Variants in ALK observed in about 807,000 individuals in gnomAD.
ALK encodes the protein ALK receptor tyrosine kinase.
Under a neutral mutation model 163.1 loss-of-function variants are expected in ALK, and 74 were observed. The observed-to-expected ratio is 0.45, with a 90% CI of 0.38 to 0.55. The LOEUF is 0.55. ALK is among the 20% of genes least tolerant of loss of function. The probability of loss-of-function intolerance (pLI) is 0.00; values close to 1 mark genes in which losing one functional copy is unlikely to be tolerated. For synonymous variants in ALK, 960 were observed against 843.2 expected, an observed-to-expected ratio of 1.14 and a Z score of -2.40; for missense variants, 2,063 against 2,105.3, an observed-to-expected ratio of 0.98 and a Z score of 0.39.
chr2:29,420,293 T>A (rs202025468), intron 4 of ALK, among the ~76,000 whole-genome samples: 1 of 151,480 alleles, frequency 6.6e-6, no homozygotes, highest in East Asian at 1.9e-4. Context: ...CTAAAGCTAG[T>A]CAGTAGACAG....
At chr2:29,710,880 GCTCT>G (rs2148302033) in intron 2 of ALK, among the ~76,000 whole-genome samples, 1 of 152,222 alleles carries the variant, frequency 6.6e-6, no homozygotes, top group African/African-American at 2.4e-5. Flanking sequence ...TGGGTTTACA[GCTCT>G]CTACTGGCCA....
At chr2:29,232,585 G>T in intron 14 of ALK, 137 bp from the exon 15 acceptor site, 2 of 1,186,186 alleles carry the variant, frequency 1.7e-6, no homozygotes, top group East Asian at 2.5e-5. Context: ...GTCTGAGGTG[G>T]TTTGCGGGCT....
rs563425140 is a variant in ALK, at chr2:29,402,103, C to T, written c.1155-18244G>A. On this transcript the variant is annotated intron_variant, in intron 4 of 28. Transcript: ENST00000389048. Reference sequence around the variant, plus strand: ...TGGAGGAAGGGAAGGCAGACTTTGGCAGCGGGTGTTGAGTGAAAGCCTGGC... The same window carrying T: ...TGGAGGAAGGGAAGGCAGACTTTGGTAGCGGGTGTTGAGTGAAAGCCTGGC... Among the ~76,000 whole-genome samples, 11 of 152,334 alleles carry T rather than the reference C, an allele frequency of 7.2e-5. No homozygotes were observed. In the East Asian group the frequency reaches 2.1e-3, roughly 29 times the overall value.
intron 1 of ALK, among the ~76,000 whole-genome samples, chr2:29,908,302 A>ACACAC (rs1667605731): frequency 2.0e-5 from 3 of 151,768 alleles, no homozygotes; most frequent in Admixed American, 1.3e-4. Flanking sequence ...ACACACACAC[A>ACACAC]CACACACATT....
chr2:29,213,396 C>A (rs1052990950), intron 24 of ALK, among the ~76,000 whole-genome samples: 6 of 152,194 alleles, frequency 3.9e-5, no homozygotes, highest in African/African-American at 1.4e-4. Context: ...ATGTATCCAA[C>A]AAACATTGTG....
intron 4 of ALK, among the ~76,000 whole-genome samples, chr2:29,516,312 G>A (rs554300078): frequency 6.6e-6 from 1 of 152,310 alleles, no homozygotes; most frequent in South Asian, 2.1e-4. Flanking sequence ...GGCACAGCAT[G>A]AAACATCTCT....
chr2:29,453,348 C>T (rs1670869923), intron 4 of ALK, among the ~76,000 whole-genome samples: 1 of 152,124 alleles, frequency 6.6e-6, no homozygotes, highest in South Asian at 2.1e-4. Flanking sequence ...CCTCCCACCT[C>T]ACCTTTTGAG....
At chr2:29,272,684 T>A (rs543819301) in intron 11 of ALK, among the ~76,000 whole-genome samples, 73 of 152,346 alleles carry the variant, frequency 4.8e-4, no homozygotes, top group African/African-American at 1.6e-3. Flanking sequence ...GCTTTGAACT[T>A]TGGAAAGAAA....
At chr2:29,198,160 A>C (rs981408527) in intron 26 of ALK, among the ~76,000 whole-genome samples, 1 of 152,230 alleles carries the variant, frequency 6.6e-6, no homozygotes, top group Non-Finnish European at 1.5e-5. Flanking sequence ...AGATTTCCTT[A>C]AGATAAAGTC....
At chr2:29,635,777 AT>A (rs1553340446) in intron 3 of ALK, among the ~76,000 whole-genome samples, 9,979 of 90,458 alleles carry the variant, frequency 0.11, 402 homozygotes, top group Non-Finnish European at 0.13. Context: ...TAATTTTTGT[AT>A]TTTTTTTTTT....
chr2:29,274,734 C>T (rs17007774), intron 11 of ALK, among the ~76,000 whole-genome samples: 2 of 152,178 alleles, frequency 1.3e-5, no homozygotes, highest in Non-Finnish European at 2.9e-5. Context: ...CAGGCCCAGC[C>T]CTCTTTATAA....
chr2:29,626,868 C>T (rs1676207960), intron 3 of ALK, among the ~76,000 whole-genome samples: 1 of 152,210 alleles, frequency 6.6e-6, no homozygotes, highest in South Asian at 2.1e-4. Flanking sequence ...AGATGCAGGC[C>T]TCTACCTCTG....
intron 1 of ALK, among the ~76,000 whole-genome samples, chr2:29,789,108 C>A (rs1572380524): frequency 6.7e-6 from 1 of 148,604 alleles, no homozygotes; most frequent in Non-Finnish European, 1.5e-5. Context: ...TAGGTCATTG[C>A]AATATCCCAA....
chr2:29,193,961 CA>C, intron 28 of ALK, 39 bp from the exon 29 acceptor site: 1 of 1,594,782 alleles, frequency 6.3e-7, no homozygotes. Flanking sequence ...GAATCAGAGA[CA>C]AAAAATGTTG....
At chr2:29,223,954 G>A (rs569620293) in intron 19 of ALK, 8 of 317,084 alleles carry the variant, frequency 2.5e-5, no homozygotes, top group South Asian at 5.4e-5. Context: ...GAGGGAGGGA[G>A]GGAAGGTTGG....
At chr2:29,756,671 C>A (rs555202760) in intron 1 of ALK, among the ~76,000 whole-genome samples, 1 of 152,200 alleles carries the variant, frequency 6.6e-6, no homozygotes, top group South Asian at 2.1e-4. Context: ...GGATTACAGG[C>A]ACGCACCACC....
intron 3 of ALK, among the ~76,000 whole-genome samples, chr2:29,550,110 A>G (rs909468461): frequency 2.0e-5 from 3 of 152,222 alleles, no homozygotes; most frequent in African/African-American, 7.2e-5. Context: ...AAACTAGTGT[A>G]TGACGATAAT....
At chr2:29,671,359 T>G (rs1338576897) in intron 3 of ALK, among the ~76,000 whole-genome samples, 1 of 152,070 alleles carries the variant, frequency 6.6e-6, no homozygotes, top group African/African-American at 2.4e-5. Context: ...CTAAGCATGA[T>G]GCTGCTGAAC....
At position 29,275,515 on chromosome 2, in the gene ALK, A is replaced by G. The variant is rs1216102782; in HGVS notation, c.1818-19T>C. 6.2e-7 allele frequency: 1 copy of G among 1,613,502 alleles called. No homozygotes were observed. The highest frequency in any genetic ancestry group is 1.7e-5 in the Admixed American group (1 of 60,022). On this transcript the variant is annotated intron_variant, in intron 9 of 28. Coordinates refer to ENST00000389048, the MANE Select transcript of ALK (RefSeq NM_004304.5). The stretch of plus-strand genomic sequence containing the variant: ...CCAGAACCTGTACACATCAAGAGGA[A>G]TGTGTGTGAGGAGCAAACTGGGGGG...
Sources: allele counts gnomAD v4.1 joint callset (sites outside exome capture counted in the v4.1 genomes callset), GRCh38; gene constraint gnomAD v4.1.1; transcripts MANE v1.5; gene names NCBI Gene and HGNC (gene_info 2026-07-23, HGNC 2026-07-21).